NAV2: variants seen among roughly 807,000 people sequenced by gnomAD.
NAV2 encodes helicase, APC down-regulated 1.
A neutral mutation model predicts 223.2 loss-of-function variants in NAV2; 54 were observed. That is an observed-to-expected ratio of 0.24 (90% CI 0.19 to 0.30). NAV2 has a LOEUF of 0.30. NAV2 is among the 10% of genes least tolerant of loss of function. The pLI is 1.00. For synonymous variants in NAV2, 1,279 were observed against 1,239.3 expected, an observed-to-expected ratio of 1.03 and a Z score of -0.67; for missense variants, 2,806 against 3,147.5, an observed-to-expected ratio of 0.89 and a Z score of 2.60.
At chr11:20,033,643 TC>T (rs1243013034) in intron 11 of NAV2, among the ~76,000 whole-genome samples, 1 of 152,112 alleles carries the variant, frequency 6.6e-6, no homozygotes, top group Non-Finnish European at 1.5e-5. Context: ...ACCCTCACAT[TC>T]CCCTGCATTT....
intron 1 of NAV2, among the ~76,000 whole-genome samples, chr11:19,377,188 T>C (rs1235723622): frequency 6.6e-6 from 1 of 152,134 alleles, no homozygotes; most frequent in African/African-American, 2.4e-5. Flanking sequence ...GAAGGGTGGA[T>C]TGCATTGCCC....
intron 1 of NAV2, among the ~76,000 whole-genome samples, chr11:19,559,605 G>A (rs769528613): frequency 6.6e-6 from 1 of 152,174 alleles, no homozygotes; most frequent in Non-Finnish European, 1.5e-5. Context: ...TGGCACTAGG[G>A]TGGCTGAGGG....
chr11:20,037,168 C>A lies in NAV2; in HGVS notation c.2907+1071C>A, dbSNP rs113964247. On this transcript the variant is annotated intron_variant, in intron 12 of 37. Coordinates refer to ENST00000349880, the MANE Select transcript of NAV2 (RefSeq NM_145117.5). ...GCAGGCGCCACCCCTCCCCACCCCC[C>A]ATCTTTGGCGAACCCTTGGAGAAAT... 3.2e-3 allele frequency among the ~76,000 whole-genome samples: 493 copies of A among 152,226 alleles called. 1 individual carries two copies. The highest frequency in any genetic ancestry group is 5.2e-3 in the Non-Finnish European group (351 of 68,006).
At chr11:19,603,089 C>T (rs527992401) in intron 1 of NAV2, among the ~76,000 whole-genome samples, 3 of 152,294 alleles carry the variant, frequency 2.0e-5, no homozygotes, top group African/African-American at 7.2e-5. Flanking sequence ...GCTGAGGTTA[C>T]GTAGGACCAG....
At position 19,438,558 on chromosome 11, in the gene NAV2, T is replaced by C. The variant is rs151243602; in HGVS notation, c.75+87531T>C. Among the ~76,000 whole-genome samples the C allele has an allele frequency of 9.2e-5, 14 of 152,284 alleles. No individual in the cohort carries two copies. The East Asian group carries it at 2.7e-3, about 29-fold the overall frequency. On this transcript the variant is annotated intron_variant, in intron 1 of 37. Transcript: ENST00000360655. ...TTTCATACTCTCCAGACACCAACCA[T>C]TCCAACAATTCCATTCAATTCTGAC...
chr11:20,111,522 T>C (rs936767013), intron 36 of NAV2, among the ~76,000 whole-genome samples: 1 of 152,252 alleles, frequency 6.6e-6, no homozygotes, highest in African/African-American at 2.4e-5. Context: ...GCAGATGATG[T>C]TAACATGTAC....
intron 10 of NAV2, among the ~76,000 whole-genome samples, chr11:19,975,713 G>A (rs997213499): frequency 1.3e-5 from 2 of 152,132 alleles, no homozygotes; most frequent in Non-Finnish European, 1.5e-5. Context: ...GAGCCACTGC[G>A]GAATTGGTTT....
At position 20,046,985 on chromosome 11, in the gene NAV2, A is replaced by ATGTG. The variant is rs2057506934; in HGVS notation, c.3902+1315_3902+1316insTGTG. 3.3e-5 allele frequency among the ~76,000 whole-genome samples: 5 copies of ATGTG among 152,358 alleles called. No individual in the cohort carries two copies. The South Asian group carries it at 1.0e-3, about 32-fold the overall frequency. On this transcript the variant is annotated intron_variant, in intron 14 of 37. Transcript: ENST00000349880. ...GAACAGGAATGTTTGAAAAGACTTC[A>ATGTG]GAAGAAGCATTCCACATGAAAGGTA...
At chr11:19,468,867 G>T (rs1360822954) in intron 1 of NAV2, among the ~76,000 whole-genome samples, 6 of 152,078 alleles carry the variant, frequency 3.9e-5, no homozygotes, top group Non-Finnish European at 8.8e-5. Context: ...GTACAAAGGG[G>T]TTACATGAAA....
intron 1 of NAV2, among the ~76,000 whole-genome samples, chr11:19,658,525 A>G (rs916821416): frequency 3.9e-5 from 6 of 152,110 alleles, no homozygotes; most frequent in African/African-American, 9.7e-5. Flanking sequence ...TATCAGATCC[A>G]TGCCACCTGG....
intron 8 of NAV2, among the ~76,000 whole-genome samples, chr11:19,945,509 G>A (rs3993146): frequency 0.19 from 28,708 of 152,020 alleles, 2,917 homozygotes; most frequent in Middle Eastern, 0.36. Flanking sequence ...AGAGTAGCTG[G>A]CACTACAGGT....
At chr11:19,393,280 C>A (rs1251236285) in intron 1 of NAV2, among the ~76,000 whole-genome samples, 1 of 152,200 alleles carries the variant, frequency 6.6e-6, no homozygotes, top group Non-Finnish European at 1.5e-5. Flanking sequence ...ATGCTGTTGA[C>A]CAGAAGGCCT....
chr11:20,049,798 C>T lies in NAV2; in HGVS notation c.4371-38C>T, dbSNP rs751376430. 2.4e-5 allele frequency: 38 copies of T among 1,591,584 alleles called. 1 individual carries two copies. Among genetic ancestry groups the T allele is most frequent in the African/African-American group, 1.2e-4 (9 of 74,402 alleles). On this transcript the variant is annotated intron_variant, in intron 15 of 37. Coordinates refer to ENST00000349880, the MANE Select transcript of NAV2 (RefSeq NM_145117.5). ...ACACCTCTCCTTTCTTCCAAGCTAA[C>T]GTTCCTTCTCTTGTTTTCTACCTGC...
chr11:19,576,502 T>G (rs1050618820), intron 1 of NAV2, among the ~76,000 whole-genome samples: 4 of 152,354 alleles, frequency 2.6e-5, no homozygotes, highest in African/African-American at 9.6e-5. Context: ...ATAACCATTG[T>G]TACTATTTTG....
chr11:19,376,245 C>T (rs546228271), intron 1 of NAV2, among the ~76,000 whole-genome samples: 14 of 152,150 alleles, frequency 9.2e-5, no homozygotes, highest in East Asian at 5.8e-4. Flanking sequence ...GATCTTGTTA[C>T]GGCAACATTA....
At chr11:19,789,964 G>C (rs2057404479) in intron 1 of NAV2, among the ~76,000 whole-genome samples, 1 of 152,170 alleles carries the variant, frequency 6.6e-6, no homozygotes, top group Non-Finnish European at 1.5e-5. Flanking sequence ...CCCGGACTTT[G>C]AATCTGGGAA....
chr11:19,536,422 G>T (rs977667399), intron 1 of NAV2, among the ~76,000 whole-genome samples: 2 of 152,136 alleles, frequency 1.3e-5, no homozygotes, highest in Non-Finnish European at 2.9e-5. Context: ...GCTACTGATT[G>T]TGGTCCAGGG....
intron 1 of NAV2, among the ~76,000 whole-genome samples, chr11:19,397,407 G>GTA (rs1849497649): frequency 1.4e-5 from 2 of 139,946 alleles, no homozygotes; most frequent in South Asian, 4.6e-4. Context: ...GTGTGTGTGT[G>GTA]TGTGTGTGTG....
At chr11:19,373,212 T>C (rs867398015) in intron 1 of NAV2, among the ~76,000 whole-genome samples, 1 of 152,176 alleles carries the variant, frequency 6.6e-6, no homozygotes, top group Admixed American at 6.5e-5. Context: ...ATTTTGTAGG[T>C]GATCTTATTT....
Sources: gnomAD v4.1 joint callset for allele counts (sites outside exome capture counted in the v4.1 genomes callset) on GRCh38, gnomAD v4.1.1 for gene constraint, MANE v1.5 for transcripts, NCBI Gene and HGNC (gene_info 2026-07-23, HGNC 2026-07-21) for gene names.